ERC2: variants seen among roughly 807,000 people sequenced by gnomAD.
The protein encoded by ERC2 is ELKS/RAB6-interacting/CAST family member 2.
A neutral mutation model predicts 114.8 loss-of-function variants in ERC2; 42 were observed. The observed-to-expected ratio is 0.37, with a 90% CI of 0.29 to 0.47. The LOEUF is 0.47. Ranked by LOEUF, ERC2 falls within the 20% of genes least tolerant of loss-of-function variation. The probability of loss-of-function intolerance (pLI) is 0.99; values close to 1 mark genes in which losing one functional copy is unlikely to be tolerated. For synonymous variants in ERC2, 454 were observed against 425.5 expected (o/e 1.07, Z -0.82); for missense variants, 939 against 1,150.7 (o/e 0.82, Z 2.66).
intron 13 of ERC2, among the ~76,000 whole-genome samples, chr3:55,895,855 C>G (rs1418473871): frequency 1.3e-5 from 2 of 152,128 alleles, no homozygotes; most frequent in Non-Finnish European, 2.9e-5. Context: ...CAACAAATAC[C>G]CTTCAAGTTC....
intron 6 of ERC2, among the ~76,000 whole-genome samples, chr3:56,093,513 C>T (rs906979506): frequency 2.0e-5 from 3 of 152,150 alleles, no homozygotes; most frequent in Admixed American, 2.0e-4. Context: ...TGGATCTTCA[C>T]ACAACATACC....
At chr3:56,024,542 T>C (rs1210858185) in intron 7 of ERC2, among the ~76,000 whole-genome samples, 1 of 152,130 alleles carries the variant, frequency 6.6e-6, no homozygotes, top group African/African-American at 2.4e-5. Context: ...AATCCCAACA[T>C]TCCAATGACA....
chr3:55,763,468 T>A (rs2067578445), intron 14 of ERC2, among the ~76,000 whole-genome samples: 2 of 152,162 alleles, frequency 1.3e-5, no homozygotes, highest in Admixed American at 1.3e-4. Context: ...GCATCGGGTG[T>A]GTCTTGCATT....
intron 13 of ERC2, among the ~76,000 whole-genome samples, chr3:55,903,215 A>C (rs1332038334): frequency 6.6e-6 from 1 of 152,240 alleles, no homozygotes; most frequent in East Asian, 1.9e-4. Flanking sequence ...TCTTTAAACT[A>C]TATTTTCAAA....
At chr3:55,724,204 CA>C (rs2064765139) in intron 15 of ERC2, among the ~76,000 whole-genome samples, 1 of 152,170 alleles carries the variant, frequency 6.6e-6, no homozygotes, top group African/African-American at 2.4e-5. Context: ...CCCCTAGTGG[CA>C]ACCGGTGATG....
intron 3 of ERC2, among the ~76,000 whole-genome samples, chr3:56,220,414 C>T (rs1560404041): frequency 2.0e-5 from 3 of 152,118 alleles, no homozygotes. Context: ...ATCAGGGTTT[C>T]GGTTGCAAGC....
At position 56,149,072 on chromosome 3, in the gene ERC2, A is replaced by C; in HGVS notation, c.1210T>G (p.Leu404Val). 1 of 1,613,258 alleles carries C rather than the reference A, an allele frequency of 6.2e-7. No homozygotes were observed. Among genetic ancestry groups the C allele is most frequent in the Non-Finnish European group, 8.5e-7 (1 of 1,179,512 alleles). ...IRDLEDEIQM[L>V]KANGVLNTED... ...GTGTTCAGCACACCATTGGCTTTTA[A>C]CATCTGGATCTCATCCTCAAGATCC... The change falls in exon 5 of 18, where the codon TTA (leucine) becomes GTA (valine). Residue 404 changes from leucine (L) to valine (V), a missense_variant. By Grantham distance (32) the Leu-to-Val change is conservative. Around this residue, in one of 5 missense-constraint regions of ERC2, gnomAD observed 148 missense variants for 159.1 expected, o/e 0.93. Transcript: ENST00000288221.
At position 55,881,821 on chromosome 3, in the gene ERC2, A is replaced by C. The variant is rs533767896; in HGVS notation, c.2564+6568T>G. On this transcript the variant is annotated intron_variant, in intron 14 of 17. Transcript: ENST00000288221. ...GGAGTAAATGTAACAAAATTGAACA[A>C]TTATGAAATGTTTTAGCAAGAAGTT... Among the ~76,000 whole-genome samples, 5 of 152,348 alleles carry C rather than the reference A, an allele frequency of 3.3e-5. No homozygotes were observed. In the South Asian group the frequency reaches 6.2e-4, roughly 19 times the overall value.
At chr3:55,883,662 G>A (rs1448002536) in intron 14 of ERC2, among the ~76,000 whole-genome samples, 2 of 152,084 alleles carry the variant, frequency 1.3e-5, no homozygotes, top group Non-Finnish European at 2.9e-5. Context: ...GGCTGAGGCG[G>A]GTGGATCACG....
intron 2 of ERC2, among the ~76,000 whole-genome samples, chr3:56,385,644 G>A (rs1436172272): frequency 6.6e-6 from 1 of 152,142 alleles, no homozygotes; most frequent in African/African-American, 2.4e-5. Flanking sequence ...ATGGCCATTT[G>A]ATCTATGTTA....
chr3:56,371,960 C>G (rs1377242690), intron 2 of ERC2, among the ~76,000 whole-genome samples: 1 of 152,240 alleles, frequency 6.6e-6, no homozygotes, highest in Non-Finnish European at 1.5e-5. Context: ...TCTGTGCCAC[C>G]CAGCCCTGGG....
At chr3:55,984,127 C>T (rs2070386223) in intron 12 of ERC2, among the ~76,000 whole-genome samples, 1 of 152,028 alleles carries the variant, frequency 6.6e-6, no homozygotes, top group Admixed American at 6.6e-5. Flanking sequence ...TGATATGAAC[C>T]TTGATGTAAC....
At chr3:55,909,912 C>T (rs768223645) in intron 13 of ERC2, among the ~76,000 whole-genome samples, 3 of 152,046 alleles carry the variant, frequency 2.0e-5, no homozygotes, top group Non-Finnish European at 2.9e-5. Context: ...TAATCATTTA[C>T]GTGGAAAAAT....
At chr3:56,033,604 CTT>C (rs1175147870) in intron 7 of ERC2, among the ~76,000 whole-genome samples, 2 of 152,070 alleles carry the variant, frequency 1.3e-5, no homozygotes, top group East Asian at 1.9e-4. Context: ...GTCTAGGAAA[CTT>C]TTATCACTCC....
At chr3:56,236,277 CA>C (rs1406186911) in intron 3 of ERC2, among the ~76,000 whole-genome samples, 1 of 137,378 alleles carries the variant, frequency 7.3e-6, no homozygotes, top group Admixed American at 7.4e-5. Flanking sequence ...CATTTCGATA[CA>C]TTTTTTTTTT....
chr3:55,694,653 C>T (rs2062837413), intron 16 of ERC2, among the ~76,000 whole-genome samples: 2 of 152,208 alleles, frequency 1.3e-5, no homozygotes, highest in African/African-American at 4.8e-5. Context: ...CTTGGGCTTT[C>T]AAAAGTGGCC....
intron 16 of ERC2, among the ~76,000 whole-genome samples, chr3:55,698,837 C>A (rs1353523345): frequency 2.0e-5 from 3 of 152,004 alleles, no homozygotes; most frequent in Admixed American, 1.3e-4. Flanking sequence ...TTTGTCAATC[C>A]ATCTTTTCAC....
At chr3:55,940,318 T>A (rs1050123432) in intron 13 of ERC2, among the ~76,000 whole-genome samples, 5 of 151,844 alleles carry the variant, frequency 3.3e-5, no homozygotes, top group African/African-American at 1.2e-4. Context: ...GAAAAAAAAA[T>A]CACTCGAGCC....
intron 6 of ERC2, among the ~76,000 whole-genome samples, chr3:56,120,079 T>C (rs1462844500): frequency 6.6e-6 from 1 of 152,160 alleles, no homozygotes; most frequent in African/African-American, 2.4e-5. Context: ...TGTCTTTTGT[T>C]TGGCCTGCAC....
Sources: allele counts gnomAD v4.1 joint callset (sites outside exome capture counted in the v4.1 genomes callset), GRCh38; gene constraint gnomAD v4.1.1; regional missense constraint gnomAD v4.1.1; transcripts MANE v1.5; gene names NCBI Gene and HGNC (gene_info 2026-07-23, HGNC 2026-07-21).